PAPSS1: variants seen among roughly 807,000 people sequenced by gnomAD.
PAPSS1 encodes bifunctional 3'-phosphoadenosine 5'-phosphosulfate synthase 1.
Under a neutral mutation model 72.0 loss-of-function variants are expected in PAPSS1, and 50 were observed. The ratio of observed to expected loss-of-function variants is 0.69; its 90% confidence interval spans 0.55 to 0.88. The LOEUF (loss-of-function observed/expected upper bound fraction) is 0.88. Ranked by LOEUF, PAPSS1 falls within the 40% of genes least tolerant of loss-of-function variation. The pLI, the probability that PAPSS1 is intolerant of heterozygous loss-of-function variation, is 0.00. For synonymous variants in PAPSS1, 261 were observed against 263.6 expected, an observed-to-expected ratio of 0.99 and a Z score of 0.09; for missense variants, 657 against 782.2, an observed-to-expected ratio of 0.84 and a Z score of 1.91.
rs571579364 is a variant in PAPSS1 at position 107,652,520 on chromosome 4, G to A, written c.1237+971C>T. On this transcript the variant is annotated intron_variant, in intron 9 of 11. Transcript: ENST00000265174. ...ACAGCATCTGTAGCTTCTCTATTCC[G>A]CTCTTAAATAACTTTTTCTGTTATT... 2.6e-5 allele frequency among the ~76,000 whole-genome samples: 4 copies of A among 152,052 alleles called. No homozygotes were observed. The South Asian group carries it at 6.3e-4, about 24-fold the overall frequency.
At chr4:107,700,388 C>T (rs570253444) in intron 2 of PAPSS1, among the ~76,000 whole-genome samples, 91 of 152,312 alleles carry the variant, frequency 6.0e-4, no homozygotes, top group African/African-American at 2.1e-3. Context: ...TTCAGTCACT[C>T]ACCAGCCTGC....
intron 5 of PAPSS1, among the ~76,000 whole-genome samples, chr4:107,677,892 T>C (rs1240653221): frequency 1.3e-5 from 2 of 152,166 alleles, no homozygotes; most frequent in Non-Finnish European, 2.9e-5. Context: ...TGTAGGGACA[T>C]GGATGAAGCT....
At chr4:107,640,536 G>A (rs968165333) in intron 10 of PAPSS1, among the ~76,000 whole-genome samples, 24 of 151,924 alleles carry the variant, frequency 1.6e-4, no homozygotes, top group African/African-American at 5.3e-4. Flanking sequence ...TGATGTCACT[G>A]GAAAAGCTAC....
intron 3 of PAPSS1, among the ~76,000 whole-genome samples, chr4:107,692,248 GAACA>G (rs1722944364): frequency 6.6e-6 from 1 of 151,976 alleles, no homozygotes; most frequent in Non-Finnish European, 1.5e-5. Context: ...TCATCACAGT[GAACA>G]GACAACCTAC....
chr4:107,673,130 T>C (rs568873981), intron 5 of PAPSS1, among the ~76,000 whole-genome samples: 2 of 152,120 alleles, frequency 1.3e-5, no homozygotes, highest in East Asian at 3.9e-4. Context: ...GCAGAAAAAT[T>C]GGAAACTCTA....
chr4:107,652,866 GTTTCTT>G (rs973171746), intron 9 of PAPSS1, among the ~76,000 whole-genome samples: 2 of 151,954 alleles, frequency 1.3e-5, no homozygotes, highest in Non-Finnish European at 2.9e-5. Flanking sequence ...GCGCAGTGTT[GTTTCTT>G]TTAATTTTTG....
At position 107,638,820 on chromosome 4, in the gene PAPSS1, ATAT is replaced by A. The variant is rs1200448305; in HGVS notation, c.1506+5979_1506+5981del. ...AGTCACTGTACAAAATGTTTTATAA[ATAT>A]TATTTAATGTTTACAGCAAATCAAT... On this transcript the variant is annotated intron_variant, in intron 10 of 11. Transcript: ENST00000265174. Among the ~76,000 whole-genome samples, 316 of 152,356 alleles carry A rather than the reference ATAT, an allele frequency of 2.1e-3. 3 individuals carry two copies. The highest frequency in any genetic ancestry group is 7.2e-3 in the African/African-American group (299 of 41,578).
intron 11 of PAPSS1, among the ~76,000 whole-genome samples, chr4:107,623,053 C>G (rs975035504): frequency 3.3e-5 from 5 of 152,192 alleles, no homozygotes; most frequent in African/African-American, 9.6e-5. Flanking sequence ...TCCAGTCTGC[C>G]CATTGCAACC....
chr4:107,714,002 T>C (rs1440848493), intron 1 of PAPSS1, among the ~76,000 whole-genome samples: 2 of 152,116 alleles, frequency 1.3e-5, no homozygotes, highest in African/African-American at 4.8e-5. Flanking sequence ...CGACAAGATT[T>C]CTCTCCTTGA....
At chr4:107,708,402 G>A (rs897747946) in intron 1 of PAPSS1, among the ~76,000 whole-genome samples, 2 of 152,210 alleles carry the variant, frequency 1.3e-5, no homozygotes, top group Non-Finnish European at 2.9e-5. Flanking sequence ...TGCAGAGGGT[G>A]CTATACACAT....
intron 11 of PAPSS1, among the ~76,000 whole-genome samples, chr4:107,622,315 C>T (rs917912306): frequency 6.6e-6 from 1 of 152,194 alleles, no homozygotes; most frequent in African/African-American, 2.4e-5. Context: ...CATATCTCCC[C>T]TTCCCCCTCC....
intron 1 of PAPSS1, among the ~76,000 whole-genome samples, chr4:107,717,110 CTCTT>C (rs1236527181): frequency 6.6e-6 from 1 of 151,494 alleles, no homozygotes; most frequent in Non-Finnish European, 1.5e-5. Context: ...ATTTCTATAA[CTCTT>C]TATTAATTAT....
At chr4:107,660,860 A>T (rs1257607535) in intron 5 of PAPSS1, among the ~76,000 whole-genome samples, 1 of 152,212 alleles carries the variant, frequency 6.6e-6, no homozygotes, top group Non-Finnish European at 1.5e-5. Context: ...AGGGCTTTTC[A>T]TACATGTGTC....
intron 2 of PAPSS1, among the ~76,000 whole-genome samples, chr4:107,697,106 CG>C (rs1723090045): frequency 6.6e-6 from 1 of 152,202 alleles, no homozygotes; most frequent in African/African-American, 2.4e-5. Context: ...ACCATGCTAA[CG>C]TGATCCCAAG....
At chr4:107,650,067 A>G (rs1726798918) in intron 9 of PAPSS1, among the ~76,000 whole-genome samples, 1 of 152,236 alleles carries the variant, frequency 6.6e-6, no homozygotes, top group Non-Finnish European at 1.5e-5. Flanking sequence ...AATAGCTCAC[A>G]TGGGGTAATC....
At chr4:107,717,999 A>T (rs1203993555) in intron 1 of PAPSS1, among the ~76,000 whole-genome samples, 3 of 152,214 alleles carry the variant, frequency 2.0e-5, no homozygotes, top group Non-Finnish European at 4.4e-5. Flanking sequence ...CAAATCTATT[A>T]ATTCATTTAA....
At chr4:107,654,080 C>T (rs2726651) in intron 8 of PAPSS1, among the ~76,000 whole-genome samples, 95,294 of 151,886 alleles carry the variant, frequency 0.63, 30,502 homozygotes, top group African/African-American at 0.75. Context: ...TCCCTGCATC[C>T]GAAAGGAGGA....
intron 5 of PAPSS1, among the ~76,000 whole-genome samples, chr4:107,664,799 A>T (rs1264167038): frequency 6.6e-6 from 1 of 152,242 alleles, no homozygotes; most frequent in Non-Finnish European, 1.5e-5. Context: ...AGTTATTCAT[A>T]ATTGAGCATA....
At chr4:107,640,475 T>A (rs1197095103) in intron 10 of PAPSS1, among the ~76,000 whole-genome samples, 4 of 152,216 alleles carry the variant, frequency 2.6e-5, no homozygotes, top group Non-Finnish European at 5.9e-5. Flanking sequence ...GTCGTTGTTT[T>A]TATTTTATTA....
Sources: allele counts gnomAD v4.1 joint callset (sites outside exome capture counted in the v4.1 genomes callset), GRCh38; gene constraint gnomAD v4.1.1; transcripts MANE v1.5; gene names NCBI Gene and HGNC (gene_info 2026-07-23, HGNC 2026-07-21).